The following KIRREL3 variants were observed in gnomAD, a reference collection of about 807,000 sequenced individuals.
The protein encoded by KIRREL3 is kirre like nephrin family adhesion molecule 3.
In KIRREL3, 36 loss-of-function variants were observed where a neutral mutation model predicts 89.7. The ratio of observed to expected loss-of-function variants is 0.40; its 90% confidence interval spans 0.31 to 0.53. KIRREL3 has a LOEUF of 0.53. Among genes scored for constraint, KIRREL3 ranks in the 20% least tolerant of loss-of-function variants. KIRREL3 has a pLI of 0.49. For missense variants in KIRREL3, 864 were observed against 1,056.6 expected (o/e 0.82, Z 2.53); for synonymous variants, 445 against 441.4 (o/e 1.01, Z -0.10).
chr11:126,456,446 G>A lies in KIRREL3; in HGVS notation c.751C>T (p.Leu251=). The change falls in exon 7 of 17, where the codon CTG becomes TTG. Residue 251 remains leucine, a synonymous_variant. Coordinates refer to ENST00000525144, the MANE Select transcript of KIRREL3 (RefSeq NM_032531.4). ...TGTGGCTCCACCGAGAGGTTGACCAGTGGAGGGTCTGCAGGGAGAGGAGAG... is the reference window on the plus strand; with the variant it reads ...TGTGGCTCCACCGAGAGGTTGACCAATGGAGGGTCTGCAGGGAGAGGAGAG... ...SVTIDIQHPP[L]VNLSVEPQPV... 6.3e-7 allele frequency: 1 copy of A among 1,577,974 alleles called. No homozygotes were observed. Among genetic ancestry groups the A allele is most frequent in the Non-Finnish European group, 8.6e-7 (1 of 1,161,916 alleles).
At chr11:126,726,210 G>T (rs1948373503) in intron 1 of KIRREL3, among the ~76,000 whole-genome samples, 1 of 152,086 alleles carries the variant, frequency 6.6e-6, no homozygotes, top group African/African-American at 2.4e-5. Flanking sequence ...TTAAAGCTCT[G>T]ACATTCAGTG....
rs1944229288 is a variant in KIRREL3, at chr11:126,848,544, TC to T, written c.55+151910del. On this transcript the variant is annotated intron_variant, in intron 1 of 16. Coordinates refer to ENST00000525144, the MANE Select transcript of KIRREL3 (RefSeq NM_032531.4). ...GAGTAATGTAAAAATCTGGATTGGA[TC>T]AATATTCTAATCCTGGACATATATT... 3.3e-5 allele frequency among the ~76,000 whole-genome samples: 5 copies of T among 152,310 alleles called. No homozygotes were observed. The South Asian group carries it at 1.0e-3, about 32-fold the overall frequency.
intron 1 of KIRREL3, among the ~76,000 whole-genome samples, chr11:126,857,182 G>A (rs1338397219): frequency 2.6e-5 from 4 of 152,140 alleles, no homozygotes; most frequent in Admixed American, 1.3e-4. Context: ...GAGAGCACAC[G>A]ATCGATGCTC....
At chr11:126,949,453 C>T (rs1948714439) in intron 1 of KIRREL3, among the ~76,000 whole-genome samples, 1 of 152,186 alleles carries the variant, frequency 6.6e-6, no homozygotes, top group African/African-American at 2.4e-5. Context: ...TTCTGGAACA[C>T]AGAGATGCTC....
intron 1 of KIRREL3, among the ~76,000 whole-genome samples, chr11:126,865,178 T>C (rs2134638987): frequency 6.6e-6 from 1 of 152,238 alleles, no homozygotes; most frequent in East Asian, 1.9e-4. Context: ...TATGAACCCA[T>C]TTACCATCTG....
intron 1 of KIRREL3, among the ~76,000 whole-genome samples, chr11:126,650,192 A>G (rs560624165): frequency 6.6e-6 from 1 of 152,332 alleles, no homozygotes; most frequent in East Asian, 1.9e-4. Context: ...TCCTAGGCCT[A>G]TGGGCCTGTG....
chr11:126,674,162 A>G (rs1946084016), intron 1 of KIRREL3, among the ~76,000 whole-genome samples: 1 of 152,208 alleles, frequency 6.6e-6, no homozygotes, highest in Non-Finnish European at 1.5e-5. Context: ...AGGCAAGGGC[A>G]ATTCTTCTTT....
chr11:126,952,397 A>C (rs1231556463), intron 1 of KIRREL3, among the ~76,000 whole-genome samples: 2 of 152,238 alleles, frequency 1.3e-5, no homozygotes, highest in Admixed American at 1.3e-4. Context: ...AAAAAAAAGA[A>C]TATTCATATC....
In KIRREL3 at chr11:126,893,025, G is replaced by A. The variant is rs146924019; in HGVS notation, c.55+107430C>T. Among the ~76,000 whole-genome samples, 527 of 152,276 alleles carry A rather than the reference G, an allele frequency of 3.5e-3. 1 individual carries two copies. The highest frequency in any genetic ancestry group is 7.5e-3 in the South Asian group (36 of 4,824). ...GCTGTGGTTGGATTTTGACGCTGTC[G>A]TAATTTCCCCCGTTGTTTGATATTC... On this transcript the variant is annotated intron_variant, in intron 1 of 16. Transcript: ENST00000525144.
intron 1 of KIRREL3, among the ~76,000 whole-genome samples, chr11:126,798,118 C>T (rs1205278219): frequency 6.6e-6 from 1 of 152,150 alleles, no homozygotes; most frequent in Non-Finnish European, 1.5e-5. Flanking sequence ...GTTCCTGTGC[C>T]TGGGGGCTCC....
intron 1 of KIRREL3, among the ~76,000 whole-genome samples, chr11:126,665,601 G>T (rs565703059): frequency 7.2e-4 from 109 of 152,298 alleles, no homozygotes; most frequent in African/African-American, 2.0e-3. Context: ...GAAAGAAGGT[G>T]CCATCCATGA....
chr11:126,446,266 C>CTTTCTTTTCTT lies in KIRREL3; in HGVS notation c.1125+492_1125+493insAAGAAAAGAAA, dbSNP rs750898586. 6.6e-4 allele frequency among the ~76,000 whole-genome samples: 29 copies of CTTTCTTTTCTT among 44,012 alleles called. 2 individuals carry two copies. The highest frequency in any genetic ancestry group is 1.0e-3 in the Non-Finnish European group (18 of 17,684). The allele number at this position is 44,012 out of a possible 152,430, so 28.9% of individuals were successfully genotyped here. A position where few individuals can be genotyped will look rare whatever the true frequency, so the allele number is the denominator to read the frequency against. On this transcript the variant is annotated intron_variant, in intron 9 of 16. Transcript: ENST00000525144. ...CTTTCTTTCTCTTTCTTTTCTTTCTCTCTCTTTCTTTTCTTTCTCCTTTCT... is the reference window on the plus strand; with the variant it reads ...CTTTCTTTCTCTTTCTTTTCTTTCTCTTTCTTTTCTTTCTCTTTCTTTTCTTTCTCCTTTCT...
intron 1 of KIRREL3, among the ~76,000 whole-genome samples, chr11:126,869,284 T>G (rs1784350): frequency 6.7e-6 from 1 of 149,558 alleles, no homozygotes; most frequent in African/African-American, 2.5e-5. Context: ...TGCCCCTTGG[T>G]GGGGATGATG....
rs1370155599 is a variant in KIRREL3, at chr11:126,904,192, A to T, written c.55+96263T>A. Reference sequence around the variant, plus strand: ...AAGCCTCTTTTTAACACACAGGTAAAGTTTTCAGGACTATTTTTATCATTT... The same window carrying T: ...AAGCCTCTTTTTAACACACAGGTAATGTTTTCAGGACTATTTTTATCATTT... On this transcript the variant is annotated intron_variant, in intron 1 of 16. Transcript: ENST00000525144. The surrounding 1 kb of genome is among the most constrained non-coding windows in gnomAD (Gnocchi z 4.4). 1.3e-5 allele frequency among the ~76,000 whole-genome samples: 2 copies of T among 152,184 alleles called. No individual in the cohort carries two copies. The highest frequency in any genetic ancestry group is 1.3e-4 in the Admixed American group (2 of 15,280).
chr11:126,448,769 G>A (rs867302656), intron 8 of KIRREL3, among the ~76,000 whole-genome samples: 2 of 152,156 alleles, frequency 1.3e-5, no homozygotes, highest in African/African-American at 4.8e-5. Context: ...TTAAGCCACC[G>A]AGTCTATGGT....
rs1565458403 is a variant in KIRREL3, at chr11:126,446,764, CGGA to C, written c.1117_1119del (p.Ser373del). On this transcript the variant is annotated inframe_deletion, in exon 9 of 17. Transcript: ENST00000525144. ...GGTCTGAGCTGCAGCCTCACCACTC[CGGA>C]GCCCCGCTTCATCCAGACGATGGTC... The C allele has an allele frequency of 6.3e-7, 1 of 1,599,470 alleles. No homozygotes were observed. The highest frequency in any genetic ancestry group is 1.1e-5 in the South Asian group (1 of 88,034).
chr11:126,641,875 T>G lies in KIRREL3; in HGVS notation c.56-78963A>C, dbSNP rs548958061. Among the ~76,000 whole-genome samples, 4 of 152,298 alleles carry G rather than the reference T, an allele frequency of 2.6e-5. No homozygotes were observed. Among genetic ancestry groups the G allele is most frequent in the Non-Finnish European group, 4.4e-5 (3 of 68,022 alleles). On this transcript the variant is annotated intron_variant, in intron 1 of 16. Coordinates refer to ENST00000525144, the MANE Select transcript of KIRREL3 (RefSeq NM_032531.4). This position sits in a 1 kb window ranked among gnomAD's most constrained non-coding sequence, Gnocchi z 5.0. ...TCCCACCACAGTCCCCTTGCTTACA[T>G]GTGCACATCCTCAACTTCCACTCTT...
intron 1 of KIRREL3, among the ~76,000 whole-genome samples, chr11:126,855,954 G>A (rs567611469): frequency 3.9e-4 from 60 of 152,274 alleles, no homozygotes; most frequent in African/African-American, 1.4e-3. Flanking sequence ...GGCACCAAAA[G>A]GTGTTCTTGC....
chr11:126,967,107 C>T (rs2135200092), intron 1 of KIRREL3, among the ~76,000 whole-genome samples: 1 of 152,140 alleles, frequency 6.6e-6, no homozygotes, highest in East Asian at 1.9e-4. Flanking sequence ...CTTTCTCTGA[C>T]CCGGAGCTCA....
Sources: allele counts gnomAD v4.1 joint callset (sites outside exome capture counted in the v4.1 genomes callset), GRCh38; gene constraint gnomAD v4.1.1; non-coding constraint Gnocchi (gnomAD v3.1); transcripts MANE v1.5; gene names NCBI Gene and HGNC (gene_info 2026-07-23, HGNC 2026-07-21).